The following PLXNA4 variants were observed in gnomAD, a reference collection of about 807,000 sequenced individuals.
The protein encoded by PLXNA4 is plexin A4, also known as plexin-A4.
PLXNA4 carries 44 observed loss-of-function variants against 191.8 expected under a neutral mutation model. The ratio of observed to expected loss-of-function variants is 0.23; its 90% confidence interval spans 0.18 to 0.29. The LOEUF (loss-of-function observed/expected upper bound fraction) is 0.29, where lower values mean the gene tolerates loss of function less well. Ranked by LOEUF, PLXNA4 falls within the 10% of genes least tolerant of loss-of-function variation. The pLI is 1.00. For missense variants in PLXNA4, 1,800 were observed against 2,488.8 expected (o/e 0.72, Z 5.89); for synonymous variants, 1,082 against 1,009.5 (o/e 1.07, Z -1.36).
At chr7:132,492,911 G>T (rs1034739261) in intron 2 of PLXNA4, among the ~76,000 whole-genome samples, 1 of 152,188 alleles carries the variant, frequency 6.6e-6, no homozygotes, top group Non-Finnish European at 1.5e-5. Context: ...TGGCTGCAGG[G>T]TGTGGCCCTA....
intron 7 of PLXNA4, 81 bp from the exon 8 acceptor site, chr7:132,226,341 A>G: frequency 8.1e-7 from 1 of 1,232,608 alleles, no homozygotes; most frequent in African/African-American, 1.5e-5. Flanking sequence ...ACCTGCTGGA[A>G]AAGGGAGCCT....
intron 4 of PLXNA4, among the ~76,000 whole-genome samples, chr7:132,277,064 A>T (rs1311533681): frequency 6.6e-6 from 1 of 152,226 alleles, no homozygotes; most frequent in East Asian, 1.9e-4. Flanking sequence ...AGAAGATATT[A>T]GTGAGGAAGC....
chr7:132,281,422 A>C (rs1800474318), intron 4 of PLXNA4, among the ~76,000 whole-genome samples: 2 of 152,168 alleles, frequency 1.3e-5, no homozygotes, highest in African/African-American at 4.8e-5. Flanking sequence ...CTGAATTTTT[A>C]TATTTTTTAA....
intron 3 of PLXNA4, among the ~76,000 whole-genome samples, chr7:132,344,742 T>C (rs1030173056): frequency 1.3e-5 from 2 of 152,242 alleles, no homozygotes; most frequent in African/African-American, 4.8e-5. Flanking sequence ...AGTGTTGTCA[T>C]GTCACTTCTG....
rs59775711 is a variant in PLXNA4 at position 132,622,546 on chromosome 7, G to GAAAA, written c.-87+23378_-87+23381dup. Among the ~76,000 whole-genome samples the GAAAA allele has an allele frequency of 1.6e-3, 232 of 142,282 alleles. 1 individual carries two copies. Among genetic ancestry groups the GAAAA allele is most frequent in the African/African-American group, 5.7e-3 (222 of 39,050 alleles). 93.3% of individuals were successfully genotyped at this position (142,282 alleles called of 152,430 possible). ...CTAAAGAATTAGGAGCTATCTGAAG[G>GAAAA]AAAAAAAAAAAAATCCCTGGCCTAT... On this transcript the variant is annotated intron_variant, in intron 2 of 4. Coordinates refer to the PLXNA4 transcript ENST00000378539.
intron 2 of PLXNA4, among the ~76,000 whole-genome samples, chr7:132,631,913 C>G (rs961934285): frequency 6.6e-6 from 1 of 152,122 alleles, no homozygotes; most frequent in African/African-American, 2.4e-5. Flanking sequence ...CTCTAACTGC[C>G]GAAGAAATAT....
intron 3 of PLXNA4, among the ~76,000 whole-genome samples, chr7:132,363,231 C>A (rs1195874160): frequency 6.6e-6 from 1 of 152,190 alleles, no homozygotes; most frequent in African/African-American, 2.4e-5. Context: ...GTGATCCACC[C>A]ATCTCGGCCT....
intron 2 of PLXNA4, among the ~76,000 whole-genome samples, chr7:132,586,262 CA>C (rs1436637013): frequency 6.6e-6 from 1 of 152,148 alleles, no homozygotes; most frequent in Non-Finnish European, 1.5e-5. Context: ...ACATGGTCAT[CA>C]GATTTGTCTA....
chr7:132,647,782 A>G (rs1563203526), intron 1 of PLXNA4, among the ~76,000 whole-genome samples: 1 of 151,838 alleles, frequency 6.6e-6, no homozygotes, highest in Non-Finnish European at 1.5e-5. Context: ...ACTATCATAT[A>G]CACACATATA....
At chr7:132,269,267 G>A (rs1434330529) in intron 4 of PLXNA4, among the ~76,000 whole-genome samples, 1 of 152,170 alleles carries the variant, frequency 6.6e-6, no homozygotes, top group Non-Finnish European at 1.5e-5. Context: ...TACACTGCCT[G>A]TTTTCTAGCT....
chr7:132,569,114 C>A (rs1801860326), intron 1 of PLXNA4, among the ~76,000 whole-genome samples: 1 of 152,214 alleles, frequency 6.6e-6, no homozygotes, highest in Non-Finnish European at 1.5e-5. Context: ...TGAGCTACAG[C>A]AGACCAGAAG....
chr7:132,596,942 A>G (rs1802720519), intron 2 of PLXNA4, among the ~76,000 whole-genome samples: 1 of 151,582 alleles, frequency 6.6e-6, no homozygotes, highest in Non-Finnish European at 1.5e-5. Context: ...AAAAGTTTAT[A>G]TTTTATTACT....
intron 3 of PLXNA4, among the ~76,000 whole-genome samples, chr7:132,369,925 G>A (rs779448939): frequency 8.6e-5 from 13 of 151,952 alleles, no homozygotes; most frequent in South Asian, 2.1e-4. Context: ...AAAATTAGCC[G>A]GGTGTGGTGC....
chr7:132,258,260 C>T (rs189753721), intron 4 of PLXNA4, among the ~76,000 whole-genome samples: 11 of 152,204 alleles, frequency 7.2e-5, no homozygotes, highest in Non-Finnish European at 4.4e-5. Flanking sequence ...GAAAGGCGGC[C>T]GGGGGCTGAG....
chr7:132,338,768 G>A (rs539576803), intron 3 of PLXNA4, among the ~76,000 whole-genome samples: 1 of 152,268 alleles, frequency 6.6e-6, no homozygotes, highest in Non-Finnish European at 1.5e-5. Flanking sequence ...GACAGGACCT[G>A]CCCTCAAATA....
intron 3 of PLXNA4, among the ~76,000 whole-genome samples, chr7:132,395,568 G>A (rs1351257855): frequency 6.6e-6 from 1 of 152,240 alleles, no homozygotes; most frequent in East Asian, 1.9e-4. Context: ...CTGGCCATGT[G>A]GCCCCTGACA....
At chr7:132,359,063 C>T (rs1272412735) in intron 3 of PLXNA4, among the ~76,000 whole-genome samples, 1 of 152,134 alleles carries the variant, frequency 6.6e-6, no homozygotes, top group Admixed American at 6.6e-5. Flanking sequence ...CCTGAGAAAG[C>T]CATTCGACCT....
At chr7:132,548,629 A>G (rs759748198) in intron 1 of PLXNA4, among the ~76,000 whole-genome samples, 8 of 152,150 alleles carry the variant, frequency 5.3e-5, no homozygotes, top group Non-Finnish European at 1.0e-4. Context: ...TTAAACCTTA[A>G]TCTGTTATTT....
intron 3 of PLXNA4, among the ~76,000 whole-genome samples, chr7:132,450,396 G>A (rs1796075777): frequency 6.6e-6 from 1 of 152,180 alleles, no homozygotes; most frequent in Non-Finnish European, 1.5e-5. Context: ...AGGTAGGCGG[G>A]ACACGTGATT....
Sources: gnomAD v4.1 joint callset for allele counts (sites outside exome capture counted in the v4.1 genomes callset) on GRCh38, gnomAD v4.1.1 for gene constraint, MANE v1.5 for transcripts, NCBI Gene and HGNC (gene_info 2026-07-23, HGNC 2026-07-21) for gene names.